The following PIK3R2 variants were observed in gnomAD, a reference collection of about 807,000 sequenced individuals.
The protein encoded by PIK3R2 is phosphoinositide-3-kinase regulatory subunit 2.
Under a neutral mutation model 78.5 loss-of-function variants are expected in PIK3R2, and 40 were observed. The observed-to-expected ratio is 0.51, with a 90% CI of 0.40 to 0.66. The LOEUF (loss-of-function observed/expected upper bound fraction) is 0.66, where lower values mean the gene tolerates loss of function less well. Ranked by LOEUF, PIK3R2 falls within the 30% of genes least tolerant of loss-of-function variation. The pLI is 0.00. For missense variants in PIK3R2, 880 were observed against 1,026.6 expected (o/e 0.86, Z 1.95); for synonymous variants, 473 against 457.7 (o/e 1.03, Z -0.43).
intron 10 of PIK3R2, 58 bp downstream of exon 10, chr19:18,163,205 T>G: frequency 6.2e-7 from 1 of 1,613,734 alleles, no homozygotes; most frequent in Non-Finnish European, 8.5e-7. Flanking sequence ...AGGCCTCAGT[T>G]TCCTAGGTAG....
rs765227668 is a variant in PIK3R2 at position 18,168,878 on chromosome 19, G to A, written c.1961G>A (p.Cys654Tyr). 1.9e-6 allele frequency: 3 copies of A among 1,613,012 alleles called. No homozygotes were observed. Among genetic ancestry groups the A allele is most frequent in the Non-Finnish European group, 2.5e-6 (3 of 1,179,538 alleles). The change falls in exon 15 of 16, where the codon TGC (cysteine) becomes TAC (tyrosine). Residue 654 changes from cysteine to tyrosine, a missense_variant. By Grantham distance (194) the Cys-to-Tyr change is radical (BLOSUM62 -2). This residue lies in a region of PIK3R2 where 268 missense variants were observed against 299.1 expected (regional missense o/e 0.90). Coordinates refer to ENST00000222254, the MANE Select transcript of PIK3R2 (RefSeq NM_005027.4). The surrounding 1 kb of genome is among the most constrained non-coding windows in gnomAD (Gnocchi z 4.1). ...FLIRESSQRGCYACSVVVDGD... is the reference protein window; with the variant it reads ...FLIRESSQRGYYACSVVVDGD... ...ATCCGCGAGAGCAGCCAGCGGGGCTGCTACGCCTGCTCCGTGGTGTGAGTG... is the reference window on the plus strand; with the variant it reads ...ATCCGCGAGAGCAGCCAGCGGGGCTACTACGCCTGCTCCGTGGTGTGAGTG...
chr19:18,168,357 G>A lies in PIK3R2; in HGVS notation c.1737-118G>A. The A allele has an allele frequency of 1.5e-6, 1 of 678,194 alleles. No individual in the cohort carries two copies. Among genetic ancestry groups the A allele is most frequent in the Non-Finnish European group, 2.7e-6 (1 of 367,532 alleles). 42.0% of individuals were successfully genotyped at this position (678,194 alleles called of 1,614,324 possible). A position where few individuals can be genotyped will look rare whatever the true frequency, so the allele number is the denominator to read the frequency against. On this transcript the variant is annotated intron_variant, in intron 13 of 15. Coordinates refer to ENST00000222254, the MANE Select transcript of PIK3R2 (RefSeq NM_005027.4). This position sits in a 1 kb window ranked among gnomAD's most constrained non-coding sequence, Gnocchi z 4.1. ...CAGCTCTGCCCTCTTGTGGCAACCG[G>A]AGATATTGTACCCAGAACCCTCTCT...
In PIK3R2 at chr19:18,156,349, C is replaced by A; in HGVS notation, c.322+148C>A. 2 of 635,426 alleles carry A rather than the reference C, an allele frequency of 3.1e-6. No homozygotes were observed. Among genetic ancestry groups the A allele is most frequent in the Non-Finnish European group, 5.0e-6 (2 of 403,410 alleles). 39.4% of individuals were successfully genotyped at this position (635,426 alleles called of 1,614,324 possible). A position where few individuals can be genotyped will look rare whatever the true frequency, so the allele number is the denominator to read the frequency against. ...CAAGTGTCTTCAGTGCTAGGCTCAGCAGTGGACACAAGGCCTGTTCCTGCC... is the reference window on the plus strand; with the variant it reads ...CAAGTGTCTTCAGTGCTAGGCTCAGAAGTGGACACAAGGCCTGTTCCTGCC... On this transcript the variant is annotated intron_variant, in intron 2 of 15. Transcript: ENST00000222254. The surrounding 1 kb of genome is among the most constrained non-coding windows in gnomAD (Gnocchi z 4.2).
intron 11 of PIK3R2, among the ~76,000 whole-genome samples, chr19:18,163,666 T>G (rs528230361): frequency 4.7e-4 from 72 of 151,970 alleles, no homozygotes; most frequent in African/African-American, 1.7e-3. Context: ...ACAAAAAAAT[T>G]TAAAAATTAA....
chr19:18,160,691 C>G (rs373201276), intron 3 of PIK3R2, 128 bp downstream of exon 3: 3 of 914,584 alleles, frequency 3.3e-6, no homozygotes, highest in East Asian at 2.6e-5. Flanking sequence ...TGCCCTGGGC[C>G]TCTATGTTGA....
chr19:18,155,600 A>T lies in PIK3R2; in HGVS notation c.-280A>T. 1 of 508,650 alleles carries T rather than the reference A, an allele frequency of 2.0e-6. No individual in the cohort carries two copies. Among genetic ancestry groups the T allele is most frequent in the South Asian group, 2.9e-5 (1 of 33,920 alleles). The allele number at this position is 508,650 out of a possible 1,614,324, so 31.5% of individuals were successfully genotyped here. ...CGGCCTGCCCCAGCCTCACCTGCTG[A>T]TGGAGGACTCAATGGCCCAGTGACC... On this transcript the variant is annotated 5_prime_UTR_variant, in exon 2 of 16. The change abolishes an upstream ATG in the 5' untranslated region. Transcript: ENST00000222254.
In PIK3R2 at chr19:18,161,487, T is replaced by C. The variant is rs2147950967; in HGVS notation, c.807T>C (p.Ala269=). The C allele has an allele frequency of 9.3e-7, 1 of 1,075,440 alleles. No homozygotes were observed. The highest frequency in any genetic ancestry group is 1.1e-6 in the Non-Finnish European group (1 of 873,654). The allele number at this position is 1,075,440 out of a possible 1,614,324, so 66.6% of individuals were successfully genotyped here. A position where few individuals can be genotyped will look rare whatever the true frequency, so the allele number is the denominator to read the frequency against. The change falls in exon 6 of 16, where the codon GCT becomes GCC. Residue 269 remains alanine, a synonymous_variant. Coordinates refer to ENST00000222254, the MANE Select transcript of PIK3R2 (RefSeq NM_005027.4). This position sits in a 1 kb window ranked among gnomAD's most constrained non-coding sequence, Gnocchi z 5.3. The part of the protein sequence containing the change: ...PPPSSPPPGG[A]PDGSEPSPDF... Reference sequence around the variant, plus strand: ...CGTCCTCGCCGCCGCCAGGGGGCGCTCCCGACGGGTGAGGGGCGGGGCGGA... The same window carrying C: ...CGTCCTCGCCGCCGCCAGGGGGCGCCCCCGACGGGTGAGGGGCGGGGCGGA...
chr19:18,163,199 C>T, intron 10 of PIK3R2, 52 bp downstream of exon 10: 1 of 1,613,650 alleles, frequency 6.2e-7, no homozygotes, highest in South Asian at 1.1e-5. Flanking sequence ...GGCCCCAGGC[C>T]TCAGTTTCCT....
At position 18,161,916 on chromosome 19, in the gene PIK3R2, T is replaced by TG; in HGVS notation, c.816-47dup. Reference sequence around the variant, plus strand: ...GCACGCACAATCCTGTGCACATGCGTGGGCGGACAGGCCCTACCCAGCCCT... The same window carrying TG: ...GCACGCACAATCCTGTGCACATGCGTGGGGCGGACAGGCCCTACCCAGCCCT... On this transcript the variant is annotated intron_variant, in intron 6 of 15. Transcript: ENST00000222254. The surrounding 1 kb of genome is among the most constrained non-coding windows in gnomAD (Gnocchi z 5.3). 2 of 1,478,730 alleles carry TG rather than the reference T, an allele frequency of 1.4e-6. No individual in the cohort carries two copies. Among genetic ancestry groups the TG allele is most frequent in the Non-Finnish European group, 1.9e-6 (2 of 1,057,424 alleles). 91.6% of individuals were successfully genotyped at this position (1,478,730 alleles called of 1,614,324 possible). A position where few individuals can be genotyped will look rare whatever the true frequency, so the allele number is the denominator to read the frequency against.
In PIK3R2 at chr19:18,155,878, C is replaced by T; in HGVS notation, c.-2C>T. On this transcript the variant is annotated 5_prime_UTR_variant, in exon 2 of 16. Coordinates refer to ENST00000222254, the MANE Select transcript of PIK3R2 (RefSeq NM_005027.4). ...TCCAGACCCCACCCCACTCACGCGG[C>T]CATGGCGGGCCCTGAGGGCTTCCAG... 1 of 1,542,562 alleles carries T rather than the reference C, an allele frequency of 6.5e-7. No individual in the cohort carries two copies.
At position 18,169,228 on chromosome 19, in the gene PIK3R2, G is replaced by A. The variant is rs746461048; in HGVS notation, c.2121G>A (p.Ala707=). 10 of 1,597,368 alleles carry A rather than the reference G, an allele frequency of 6.3e-6. No homozygotes were observed. Among genetic ancestry groups the A allele is most frequent in the Non-Finnish European group, 8.5e-6 (10 of 1,177,590 alleles). The change falls in exon 16 of 16, where the codon GCG becomes GCA. Residue 707 remains alanine, a synonymous_variant. Coordinates refer to ENST00000222254, the MANE Select transcript of PIK3R2 (RefSeq NM_005027.4). ...CCTCGCTGGTGCAGCACAACGACGC[G>A]CTCACCGTCACCCTGGCGCACCCAG... ...QHASLVQHND[A]LTVTLAHPVR...
chr19:18,154,481 A>G (rs2043657264), intron 1 of PIK3R2, among the ~76,000 whole-genome samples: 1 of 151,986 alleles, frequency 6.6e-6, no homozygotes, highest in Non-Finnish European at 1.5e-5. Flanking sequence ...CTGGAGGTCC[A>G]TTTGCTTGGA....
rs2147950675 is a variant in PIK3R2, at chr19:18,161,375, T to G, written c.695T>G (p.Val232Gly). Reference sequence around the variant, plus strand: ...TTCCTGCTCCAGCACCTGGGCCGCGTGGCCAGCCGCGCCCCGGCCCTGGGT... The same window carrying G: ...TTCCTGCTCCAGCACCTGGGCCGCGGGGCCAGCCGCGCCCCGGCCCTGGGT... ...LRFLLQHLGRVASRAPALGPA... is the reference protein window; with the variant it reads ...LRFLLQHLGRGASRAPALGPA... The change falls in exon 6 of 16, where the codon GTG becomes GGG. Residue 232 changes from valine to glycine, a missense_variant. Val to Gly is a moderately radical substitution (Grantham distance 109). Transcript: ENST00000222254. This position sits in a 1 kb window ranked among gnomAD's most constrained non-coding sequence, Gnocchi z 5.3. The G allele has an allele frequency of 7.9e-7, 1 of 1,260,448 alleles. No individual in the cohort carries two copies. The highest frequency in any genetic ancestry group is 3.4e-5 in the East Asian group (1 of 29,528). The allele number at this position is 1,260,448 out of a possible 1,614,324, so 78.1% of individuals were successfully genotyped here.
rs1404337325 is a variant in PIK3R2 at position 18,161,829 on chromosome 19, C to G, written c.816-137C>G. On this transcript the variant is annotated intron_variant, in intron 6 of 15. Coordinates refer to ENST00000222254, the MANE Select transcript of PIK3R2 (RefSeq NM_005027.4). This position sits in a 1 kb window ranked among gnomAD's most constrained non-coding sequence, Gnocchi z 5.3. ...GAGGGAGCTGGCCTCGCACATGTGC[C>G]TGTATCATCTCCTCCTCCGCCCTGC... 5.8e-6 allele frequency: 4 copies of G among 687,460 alleles called. No individual in the cohort carries two copies. The highest frequency in any genetic ancestry group is 1.7e-5 in the South Asian group (1 of 59,210). The allele number at this position is 687,460 out of a possible 1,614,324, so 42.6% of individuals were successfully genotyped here.
Position 18,156,248 on chromosome 19 carries a change from C to T in PIK3R2, c.322+47C>T. On this transcript the variant is annotated intron_variant, in intron 2 of 15. Coordinates refer to ENST00000222254, the MANE Select transcript of PIK3R2 (RefSeq NM_005027.4). This position sits in a 1 kb window ranked among gnomAD's most constrained non-coding sequence, Gnocchi z 4.2. Reference sequence around the variant, plus strand: ...TGGAAAGGGGGGTGGTCCCCTCAGACCCTTGGTCTCCTCTTCTGTCCAGTG... The same window carrying T: ...TGGAAAGGGGGGTGGTCCCCTCAGATCCTTGGTCTCCTCTTCTGTCCAGTG... 7.4e-7 allele frequency: 1 copy of T among 1,348,950 alleles called. No individual in the cohort carries two copies. Among genetic ancestry groups the T allele is most frequent in the South Asian group, 1.5e-5 (1 of 66,188 alleles). 83.6% of individuals were successfully genotyped at this position (1,348,950 alleles called of 1,614,324 possible).
chr19:18,159,222 C>T lies in PIK3R2; in HGVS notation c.323-1249C>T, dbSNP rs544458944. ...CCCAGGCTGGTCTTGAACTCCTGGA[C>T]TCAAAGGATCCTCCTGCCTTGGCCT... On this transcript the variant is annotated intron_variant, in intron 2 of 15. Transcript: ENST00000222254. Among the ~76,000 whole-genome samples, 6 of 136,256 alleles carry T rather than the reference C, an allele frequency of 4.4e-5. No homozygotes were observed. In the East Asian group the frequency reaches 7.0e-4, roughly 16 times the overall value. 89.4% of individuals were successfully genotyped at this position (136,256 alleles called of 152,430 possible).
intron 3 of PIK3R2, 60 bp from the exon 4 acceptor site, chr19:18,160,859 A>C: frequency 6.4e-7 from 1 of 1,554,998 alleles, no homozygotes; most frequent in Non-Finnish European, 8.7e-7. Flanking sequence ...CGGCCAGTCC[A>C]GGCCTCACGA....
Position 18,168,778 on chromosome 19 carries a change from A to G in PIK3R2, c.1861A>G (p.Thr621Ala). Residue 621 changes from threonine to alanine, a missense_variant, in exon 15 of 16, where the codon ACT becomes GCT. Physicochemically the swap from Thr to Ala is moderately conservative, Grantham distance 58. Coordinates refer to ENST00000222254, the MANE Select transcript of PIK3R2 (RefSeq NM_005027.4). The surrounding 1 kb of genome is among the most constrained non-coding windows in gnomAD (Gnocchi z 4.1). ...CGATCTCCCGCACCACGAGGAACGC[A>G]CTTGGTACGTGGGCAAGATCAACCG... ...EDDLPHHEER[T>A]WYVGKINRTQ... The G allele has an allele frequency of 6.2e-7, 1 of 1,613,224 alleles. No individual in the cohort carries two copies. Among genetic ancestry groups the G allele is most frequent in the Non-Finnish European group, 8.5e-7 (1 of 1,179,658 alleles).
intron 2 of PIK3R2, 132 bp from the exon 3 acceptor site, chr19:18,160,339 C>CA: frequency 1.5e-6 from 1 of 656,758 alleles, no homozygotes; most frequent in Admixed American, 2.5e-5. Context: ...GGATGGGAGT[C>CA]AAGGTGCCAA....
Sources: gnomAD v4.1 joint callset for allele counts (sites outside exome capture counted in the v4.1 genomes callset) on GRCh38, gnomAD v4.1.1 for gene constraint, gnomAD v4.1.1 regional missense constraint, Gnocchi (gnomAD v3.1) non-coding constraint, MANE v1.5 for transcripts, NCBI Gene and HGNC (gene_info 2026-07-23, HGNC 2026-07-21) for gene names.